The following ADAMTS14 variants were observed in gnomAD, a reference collection of about 807,000 sequenced individuals.
ADAMTS14 encodes A disintegrin and metalloproteinase with thrombospondin motifs 14.
Under a neutral mutation model 128.6 loss-of-function variants are expected in ADAMTS14, and 100 were observed. The observed-to-expected ratio is 0.78, with a 90% confidence interval of 0.66 to 0.92. The LOEUF (loss-of-function observed/expected upper bound fraction) is 0.92, where lower values mean the gene tolerates loss of function less well. Among genes scored for constraint, ADAMTS14 ranks in the 40% least tolerant of loss-of-function variants. The probability of loss-of-function intolerance (pLI) is 0.00; values close to 1 mark genes in which losing one functional copy is unlikely to be tolerated. For synonymous variants in ADAMTS14, 665 were observed against 653.8 expected, an observed-to-expected ratio of 1.02 and a Z score of -0.26; for missense variants, 1,562 against 1,658.6, an observed-to-expected ratio of 0.94 and a Z score of 1.01.
intron 10 of ADAMTS14, 38 bp downstream of exon 10, chr10:70,736,831 G>C (rs1841844311): frequency 1.3e-6 from 2 of 1,577,486 alleles, no homozygotes; most frequent in East Asian, 4.5e-5. Flanking sequence ...GCCTTCCTGG[G>C]GTGCAGGGCA....
chr10:70,710,327 G>C (rs1285258564), intron 4 of ADAMTS14, among the ~76,000 whole-genome samples: 2 of 152,246 alleles, frequency 1.3e-5, no homozygotes, highest in African/African-American at 2.4e-5. Context: ...ATATGTACGT[G>C]GTGGGTCCTG....
chr10:70,721,798 G>A (rs1388852908), intron 4 of ADAMTS14, among the ~76,000 whole-genome samples: 2 of 152,260 alleles, frequency 1.3e-5, no homozygotes, highest in African/African-American at 4.8e-5. Context: ...TTTCAGCACA[G>A]TCAGCATAGT....
intron 15 of ADAMTS14, among the ~76,000 whole-genome samples, chr10:70,746,124 TG>T (rs1842170953): frequency 6.6e-6 from 1 of 152,222 alleles, no homozygotes; most frequent in Non-Finnish European, 1.5e-5. Context: ...AGAGGCATTC[TG>T]CAGTCTACCA....
At chr10:70,715,324 A>G (rs1311002216) in intron 4 of ADAMTS14, among the ~76,000 whole-genome samples, 1 of 152,134 alleles carries the variant, frequency 6.6e-6, no homozygotes, top group Admixed American at 6.5e-5. Context: ...GGACCCCAGG[A>G]GAGGGAGTGC....
At chr10:70,681,117 G>A (rs959380693) in intron 2 of ADAMTS14, among the ~76,000 whole-genome samples, 1 of 152,192 alleles carries the variant, frequency 6.6e-6, no homozygotes, top group Non-Finnish European at 1.5e-5. Context: ...AGAAGCCCAC[G>A]GTTTAAAGGG....
chr10:70,735,028 C>T, intron 8 of ADAMTS14, 141 bp from the exon 9 acceptor site: 2 of 1,114,568 alleles, frequency 1.8e-6, no homozygotes, highest in Non-Finnish European at 2.5e-6. Context: ...GCCCGTCCTC[C>T]CTGGAAGAGA....
rs1304629143 is a variant in ADAMTS14 at position 70,672,669 on chromosome 10, G to C, written c.-134G>C. Reference sequence around the variant, plus strand: ...GCAGGCGGGAGGGAAGCAGCTAGGCGGGGAGGCGGCTGAGGCGGCAGCGGC... The same window carrying C: ...GCAGGCGGGAGGGAAGCAGCTAGGCCGGGAGGCGGCTGAGGCGGCAGCGGC... On this transcript the variant is annotated 5_prime_UTR_variant, in exon 1 of 22. Transcript: ENST00000373207. 8.2e-7 allele frequency: 1 copy of C among 1,223,530 alleles called. No individual in the cohort carries two copies. Among genetic ancestry groups the C allele is most frequent in the Non-Finnish European group, 1.0e-6 (1 of 963,046 alleles). 75.8% of individuals were successfully genotyped at this position (1,223,530 alleles called of 1,614,324 possible).
At chr10:70,740,946 C>T in intron 11 of ADAMTS14, 41 bp from the exon 12 acceptor site, 1 of 1,601,786 alleles carries the variant, frequency 6.2e-7, no homozygotes, top group Non-Finnish European at 8.5e-7. Flanking sequence ...CCCCAGCCTT[C>T]CCAGCCAGCA....
intron 21 of ADAMTS14, among the ~76,000 whole-genome samples, chr10:70,759,780 A>C (rs1282407761): frequency 6.6e-6 from 1 of 152,116 alleles, no homozygotes; most frequent in Non-Finnish European, 1.5e-5. Flanking sequence ...CCCTGGCTGG[A>C]GTGGGGCCAG....
intron 11 of ADAMTS14, 100 bp downstream of exon 11, chr10:70,739,090 G>A (rs1164994699): frequency 5.0e-6 from 7 of 1,400,190 alleles, no homozygotes; most frequent in Non-Finnish European, 5.7e-6. Flanking sequence ...GGAGAGAAGG[G>A]CCCCTGTGGG....
chr10:70,739,672 C>T (rs7088582), intron 11 of ADAMTS14, among the ~76,000 whole-genome samples: 22,376 of 152,022 alleles, frequency 0.15, 1,792 homozygotes, highest in Admixed American at 0.23. Flanking sequence ...GTTCTGAACC[C>T]CCACAACAAC....
intron 7 of ADAMTS14, among the ~76,000 whole-genome samples, 199 bp from the exon 8 acceptor site, chr10:70,733,686 G>A (rs894949325): frequency 6.6e-6 from 1 of 152,220 alleles, no homozygotes; most frequent in Non-Finnish European, 1.5e-5. Flanking sequence ...TGGAGGGCAG[G>A]ATGAGCCCCG....
chr10:70,704,727 A>G (rs986539862), intron 3 of ADAMTS14, among the ~76,000 whole-genome samples: 1 of 150,550 alleles, frequency 6.6e-6, no homozygotes, highest in Non-Finnish European at 1.5e-5. Context: ...GACACACACC[A>G]CCCATACAGT....
chr10:70,743,562 G>A lies in ADAMTS14; in HGVS notation c.1939G>A (p.Glu647Lys). The change falls in exon 13 of 22, where the codon GAG (glutamate) becomes AAG (lysine). Residue 647 changes from glutamate (E) to lysine (K), a missense_variant. Glu to Lys is a moderately conservative substitution (Grantham distance 56, BLOSUM62 1). Transcript: ENST00000373207. The stretch of plus-strand genomic sequence containing the variant: ...TCTCCCTACAGACGCCCAGAAGTGT[G>A]AGCTGATCTGCCAGTCGGCGGACAC... ...YEPDDDAQKC[E>K]LICQSADTGD... The A allele has an allele frequency of 6.2e-7, 1 of 1,612,444 alleles. No individual in the cohort carries two copies. Among genetic ancestry groups the A allele is most frequent in the Non-Finnish European group, 8.5e-7 (1 of 1,179,606 alleles).
intron 2 of ADAMTS14, 139 bp from the exon 3 acceptor site, chr10:70,702,173 G>C: frequency 8.1e-7 from 1 of 1,237,536 alleles, no homozygotes; most frequent in Non-Finnish European, 1.1e-6. Flanking sequence ...GAATCCCAGG[G>C]CTCCTCAAGG....
intron 2 of ADAMTS14, among the ~76,000 whole-genome samples, chr10:70,700,190 G>A (rs1340210798): frequency 6.6e-6 from 1 of 152,008 alleles, no homozygotes; most frequent in Non-Finnish European, 1.5e-5. Context: ...AGTGGCAGAG[G>A]CTCTTGGATT....
rs140017800 is a variant in ADAMTS14 at position 70,738,494 on chromosome 10, G to C, written c.1600-348G>C. Among the ~76,000 whole-genome samples, 50 of 152,332 alleles carry C rather than the reference G, an allele frequency of 3.3e-4. No homozygotes were observed. The East Asian group carries it at 9.5e-3, about 29-fold the overall frequency. The stretch of plus-strand genomic sequence containing the variant: ...AGAGCCAAGATCAACTCTAGCTAGT[G>C]TGGGAAGATTGTGTCTTCTCTCCCC... On this transcript the variant is annotated intron_variant, in intron 10 of 21. Transcript: ENST00000373207.
In ADAMTS14 at chr10:70,674,281, G is replaced by A. The variant is rs573349692; in HGVS notation, c.83-275G>A. ...GTCGGAAGTCTTGTTGCTAGTGACC[G>A]GGCTCTGTCTGGTATCATTTGCTTT... On this transcript the variant is annotated intron_variant, in intron 1 of 21. Coordinates refer to ENST00000373207, the MANE Select transcript of ADAMTS14 (RefSeq NM_080722.4). Among the ~76,000 whole-genome samples, 71 of 152,296 alleles carry A rather than the reference G, an allele frequency of 4.7e-4. No individual in the cohort carries two copies. The South Asian group carries it at 0.014, about 30-fold the overall frequency.
chr10:70,698,387 C>T lies in ADAMTS14; in HGVS notation c.523-3925C>T, dbSNP rs139567255. 3.2e-3 allele frequency among the ~76,000 whole-genome samples: 480 copies of T among 152,344 alleles called. 13 individuals carry two copies. Among genetic ancestry groups the T allele is most frequent in the South Asian group, 1.7e-3 (8 of 4,824 alleles). ...CAGAAAGTGCTCACTGCCAGCCAGT[C>T]TATGCTGTGTGGTGCCTGGTTTCCT... On this transcript the variant is annotated intron_variant, in intron 2 of 21. Transcript: ENST00000373207.
Sources: gnomAD v4.1 joint callset for allele counts (sites outside exome capture counted in the v4.1 genomes callset) on GRCh38, gnomAD v4.1.1 for gene constraint, MANE v1.5 for transcripts, NCBI Gene and HGNC (gene_info 2026-07-23, HGNC 2026-07-21) for gene names.